The following NUP205 variants were observed in gnomAD, a reference collection of about 807,000 sequenced individuals.
NUP205 encodes the protein nuclear pore complex protein Nup205.
NUP205 carries 76 observed loss-of-function variants against 253.8 expected under a neutral mutation model. The ratio of observed to expected loss-of-function variants is 0.30; its 90% CI spans 0.25 to 0.36. NUP205 has a LOEUF of 0.36. Among genes scored for constraint, NUP205 ranks in the 10% least tolerant of loss-of-function variants. The pLI is 1.00. For missense variants in NUP205, 2,162 were observed against 2,425.5 expected, an observed-to-expected ratio of 0.89 and a Z score of 2.28; for synonymous variants, 832 against 850.1, an observed-to-expected ratio of 0.98 and a Z score of 0.37.
intron 10 of NUP205, among the ~76,000 whole-genome samples, chr7:135,591,028 A>G (rs979502051): frequency 3.9e-5 from 6 of 152,250 alleles, no homozygotes; most frequent in African/African-American, 7.2e-5. Context: ...GTTTGACCAC[A>G]GAACAGAATA....
At chr7:135,632,036 C>T (rs936505818) in intron 35 of NUP205, among the ~76,000 whole-genome samples, 38 of 152,112 alleles carry the variant, frequency 2.5e-4, no homozygotes, top group Admixed American at 1.3e-3. Context: ...TGAGCCACCG[C>T]GCCCGGCCTA....
chr7:135,570,248 C>G (rs76576580), intron 1 of NUP205, among the ~76,000 whole-genome samples: 1 of 151,032 alleles, frequency 6.6e-6, no homozygotes, highest in East Asian at 1.9e-4. Flanking sequence ...GGTTTTGATC[C>G]TGTCGGCCAG....
In NUP205 at chr7:135,594,741, A is replaced by C. The variant is rs1793786644; in HGVS notation, c.2013+12A>C. On this transcript the variant is annotated intron_variant, in intron 13 of 42. Transcript: ENST00000285968. ...TGGAATACACTCAGGTAGGGCTCTGAAGTCCCTTATTTATATTATCCCAAT... is the reference window on the plus strand; with the variant it reads ...TGGAATACACTCAGGTAGGGCTCTGCAGTCCCTTATTTATATTATCCCAAT... The C allele has an allele frequency of 6.3e-7, 1 of 1,597,324 alleles. No homozygotes were observed. The highest frequency in any genetic ancestry group is 8.5e-7 in the Non-Finnish European group (1 of 1,171,684).
intron 36 of NUP205, among the ~76,000 whole-genome samples, chr7:135,637,350 T>A (rs1448729666): frequency 1.3e-5 from 2 of 152,250 alleles, no homozygotes; most frequent in Non-Finnish European, 2.9e-5. Flanking sequence ...CTGCCAATAT[T>A]GAAAAGCTTG....
intron 35 of NUP205, 27 bp downstream of exon 35, chr7:135,630,497 TTAA>T: frequency 6.4e-7 from 1 of 1,566,490 alleles, no homozygotes; most frequent in South Asian, 1.2e-5. Context: ...GAAAGGATTT[TTAA>T]TAATTCTTTA....
chr7:135,607,306 AC>A lies in NUP205; in HGVS notation c.3131del (p.Thr1044ArgfsTer38). ...HAILNILEKG[T>X]EGRTGPVAVR... is the part of the protein sequence containing the mutation. ...CATTCTAAACATCTTGGAGAAAGGAACGGAAGGGAGAACAGGCCCAGTGGCG... is the reference window on the plus strand; with the variant it reads ...CATTCTAAACATCTTGGAGAAAGGAAGGAAGGGAGAACAGGCCCAGTGGCG... On this transcript the variant is annotated frameshift_variant, in exon 22 of 43. Transcript: ENST00000285968. LOFTEE classifies it high-confidence loss of function. 1 of 1,614,142 alleles carries A rather than the reference AC, an allele frequency of 6.2e-7. No homozygotes were observed. The highest frequency in any genetic ancestry group is 8.5e-7 in the Non-Finnish European group (1 of 1,179,972).
Position 135,577,943 on chromosome 7 carries a change from G to A in NUP205, c.796G>A (p.Ala266Thr), listed in dbSNP as rs752472783. ...VTVEANGSLD[A>T]VNLALLMALL... ...AGTTGAGGCTAATGGCTCACTGGAT[G>A]CAGTGAATCTGGCTCTTCTTATGGC... The change falls in exon 6 of 43, where the codon GCA (alanine) becomes ACA (threonine). Residue 266 changes from alanine (A) to threonine (T), a missense_variant. Coordinates refer to ENST00000285968, the MANE Select transcript of NUP205 (RefSeq NM_015135.3). 6.2e-7 allele frequency: 1 copy of A among 1,613,538 alleles called. No homozygotes were observed. Among genetic ancestry groups the A allele is most frequent in the African/African-American group, 1.3e-5 (1 of 74,902 alleles).
rs1805786602 is a variant in NUP205, at chr7:135,567,122, A to G, written c.29-3983A>G. ...GGATTCTGTCTGTCTTGCTCAGTCT[A>G]TGTGTGTATATATATATATATATAT... On this transcript the variant is annotated intron_variant, in intron 1 of 42. Coordinates refer to ENST00000285968, the MANE Select transcript of NUP205 (RefSeq NM_015135.3). 6.2e-5 allele frequency among the ~76,000 whole-genome samples: 2 copies of G among 32,446 alleles called. 1 individual carries two copies. The highest frequency in any genetic ancestry group is 1.1e-4 in the Non-Finnish European group (2 of 18,420). The allele number at this position is 32,446 out of a possible 152,430, so 21.3% of individuals were successfully genotyped here.
At chr7:135,611,532 G>A (rs56095798) in intron 22 of NUP205, among the ~76,000 whole-genome samples, 76 of 152,166 alleles carry the variant, frequency 5.0e-4, no homozygotes, top group Non-Finnish European at 9.0e-4. Context: ...TTCTCTTTGT[G>A]TATATACATT....
At chr7:135,570,844 A>G (rs1225581825) in intron 1 of NUP205, among the ~76,000 whole-genome samples, 2 of 71,434 alleles carry the variant, frequency 2.8e-5, no homozygotes, top group Non-Finnish European at 5.4e-5. Context: ...TATATTATAT[A>G]TTACATATAT....
chr7:135,585,197 A>G (rs1335965882), intron 8 of NUP205, among the ~76,000 whole-genome samples, 190 bp downstream of exon 8: 1 of 152,178 alleles, frequency 6.6e-6, no homozygotes, highest in Admixed American at 6.5e-5. Flanking sequence ...TCTACAAGAT[A>G]TGAGAACATA....
chr7:135,586,999 A>G (rs1426958173), intron 8 of NUP205, among the ~76,000 whole-genome samples: 1 of 150,922 alleles, frequency 6.6e-6, no homozygotes, highest in South Asian at 2.1e-4. Flanking sequence ...GTTCCATTGA[A>G]TATTGAGAGA....
chr7:135,563,996 C>CA (rs964053772), intron 1 of NUP205, among the ~76,000 whole-genome samples: 4 of 150,416 alleles, frequency 2.7e-5, no homozygotes, highest in African/African-American at 7.3e-5. Context: ...AAAAAACAAA[C>CA]AAAAAAAAGG....
At chr7:135,578,257 A>G (rs1246681683) in intron 6 of NUP205, among the ~76,000 whole-genome samples, 1 of 152,236 alleles carries the variant, frequency 6.6e-6, no homozygotes. Context: ...TAAAGCATAT[A>G]TTATACATGT....
rs73725137 is a variant in NUP205 at position 135,576,941 on chromosome 7, G to A, written c.489-28G>A. The A allele has an allele frequency of 0.058, 91,578 of 1,590,810 alleles. 3,301 individuals are homozygous for A. The highest frequency in any genetic ancestry group is 0.14 in the South Asian group (11,917 of 87,726). ...AGAAGCATAAACAATATTGTTTAAC[G>A]TAGTTTATTGATTTCTTTTCATTAC... is the stretch of plus-strand genomic sequence containing the variant. On this transcript the variant is annotated intron_variant, in intron 4 of 42. Coordinates refer to ENST00000285968, the MANE Select transcript of NUP205 (RefSeq NM_015135.3).
chr7:135,576,151 GC>G (rs1433418070), intron 3 of NUP205, 118 bp from the exon 4 acceptor site: 1 of 736,858 alleles, frequency 1.4e-6, no homozygotes, highest in Non-Finnish European at 2.2e-6. Flanking sequence ...GGACCCCAGG[GC>G]CCCTTAAGCC....
At chr7:135,625,955 A>G (rs1230239126) in intron 32 of NUP205, among the ~76,000 whole-genome samples, 3 of 152,228 alleles carry the variant, frequency 2.0e-5, no homozygotes, top group Admixed American at 1.3e-4. Context: ...CAAAACAGAC[A>G]AAATTCCTTG....
chr7:135,594,118 G>GA (rs1275943978), intron 12 of NUP205, among the ~76,000 whole-genome samples: 1 of 151,582 alleles, frequency 6.6e-6, no homozygotes, highest in Non-Finnish European at 1.5e-5. Flanking sequence ...AACTAAAAAT[G>GA]AAAAAAATGT....
chr7:135,570,787 T>TCAATATATA (rs1329965474), intron 1 of NUP205, among the ~76,000 whole-genome samples: 11 of 47,970 alleles, frequency 2.3e-4, no homozygotes, highest in African/African-American at 9.8e-4. Flanking sequence ...ATTAATTATA[T>TCAATATATA]TTATATATTA....
Sources: allele counts gnomAD v4.1 joint callset (sites outside exome capture counted in the v4.1 genomes callset), GRCh38; gene constraint gnomAD v4.1.1; transcripts MANE v1.5; gene names NCBI Gene and HGNC (gene_info 2026-07-23, HGNC 2026-07-21).